Variants in UTRN observed in about 807,000 individuals in gnomAD.
UTRN encodes dystrophin-related protein 1.
A neutral mutation model predicts 463.9 loss-of-function variants in UTRN; 283 were observed. The ratio of observed to expected loss-of-function variants is 0.61; its 90% CI spans 0.55 to 0.67. The LOEUF (loss-of-function observed/expected upper bound fraction) is 0.67. Ranked by LOEUF, UTRN falls within the 30% of genes least tolerant of loss-of-function variation. The probability of loss-of-function intolerance (pLI) is 0.00; values close to 1 mark genes in which losing one functional copy is unlikely to be tolerated. For missense variants in UTRN, 3,922 were observed against 4,084.3 expected, an observed-to-expected ratio of 0.96 and a Z score of 1.08; for synonymous variants, 1,442 against 1,431.5, an observed-to-expected ratio of 1.01 and a Z score of -0.17.
At chr6:144,497,260 A>T (rs1319198295) in intron 33 of UTRN, among the ~76,000 whole-genome samples, 1 of 152,104 alleles carries the variant, frequency 6.6e-6, no homozygotes, top group Non-Finnish European at 1.5e-5. Context: ...GAGTGAATTG[A>T]TTTCAGACAT....
At chr6:144,315,886 G>C (rs890471569) in intron 2 of UTRN, among the ~76,000 whole-genome samples, 1 of 152,220 alleles carries the variant, frequency 6.6e-6, no homozygotes, top group Admixed American at 6.5e-5. Context: ...TGCCAGATGA[G>C]AACGTCATGG....
At chr6:144,817,190 G>C (rs1779163082) in intron 65 of UTRN, among the ~76,000 whole-genome samples, 1 of 152,166 alleles carries the variant, frequency 6.6e-6, no homozygotes, top group Non-Finnish European at 1.5e-5. Flanking sequence ...CAGAGGCCAT[G>C]ATGGTTAAAT....
At chr6:144,466,052 A>T (rs1234676042) in intron 23 of UTRN, among the ~76,000 whole-genome samples, 1 of 152,256 alleles carries the variant, frequency 6.6e-6, no homozygotes, top group Non-Finnish European at 1.5e-5. Flanking sequence ...AGCTAATATT[A>T]ACAGTGGATC....
intron 51 of UTRN, among the ~76,000 whole-genome samples, chr6:144,637,127 C>T (rs1330068721): frequency 6.6e-6 from 1 of 152,160 alleles, no homozygotes; most frequent in Admixed American, 6.5e-5. Flanking sequence ...TGCCACCACA[C>T]CCGGCTAGTT....
At chr6:144,584,383 T>C (rs1802260947) in intron 51 of UTRN, among the ~76,000 whole-genome samples, 1 of 152,172 alleles carries the variant, frequency 6.6e-6, no homozygotes, top group South Asian at 2.1e-4. Context: ...AGAGTTATAA[T>C]AGCAATTTTT....
intron 2 of UTRN, among the ~76,000 whole-genome samples, chr6:144,380,674 G>T (rs1255348283): frequency 1.3e-5 from 2 of 152,106 alleles, no homozygotes; most frequent in African/African-American, 4.8e-5. Flanking sequence ...TATTAGCTGG[G>T]CTTGGTGGCT....
At chr6:144,318,614 C>T (rs1237099694) in intron 2 of UTRN, among the ~76,000 whole-genome samples, 1 of 152,196 alleles carries the variant, frequency 6.6e-6, no homozygotes, top group African/African-American at 2.4e-5. Flanking sequence ...TAGGCACTTG[C>T]CACCACGCCT....
At chr6:144,437,471 C>G (rs969460305) in intron 10 of UTRN, 94 bp from the exon 11 acceptor site, 1 of 1,271,192 alleles carries the variant, frequency 7.9e-7, no homozygotes. Flanking sequence ...TTCTGCATCA[C>G]TGACATTTAG....
intron 2 of UTRN, among the ~76,000 whole-genome samples, chr6:144,377,027 G>A (rs1287569434): frequency 6.6e-6 from 1 of 151,988 alleles, no homozygotes; most frequent in Non-Finnish European, 1.5e-5. Context: ...TCTATACCAA[G>A]TCACTTCTTT....
intron 53 of UTRN, among the ~76,000 whole-genome samples, chr6:144,724,669 A>G (rs1425663133): frequency 6.6e-6 from 1 of 151,994 alleles, no homozygotes; most frequent in African/African-American, 2.4e-5. Context: ...GGGACATTGC[A>G]TGGTAATGGA....
Position 144,819,877 on chromosome 6 carries a change from G to GCCTCCTCCTCCT in UTRN, c.9358-979_9358-968dup, listed in dbSNP as rs535515378. 2.1e-3 allele frequency among the ~76,000 whole-genome samples: 264 copies of GCCTCCTCCTCCT among 127,232 alleles called. 3 individuals carry two copies. Among genetic ancestry groups the GCCTCCTCCTCCT allele is most frequent in the East Asian group, 0.01 (33 of 3,274 alleles). The allele number at this position is 127,232 out of a possible 152,430, so 83.5% of individuals were successfully genotyped here. On this transcript the variant is annotated intron_variant, in intron 65 of 74. Coordinates refer to ENST00000367545, the MANE Select transcript of UTRN (RefSeq NM_007124.3). ...CCTTCTCCCCTTCTCCTCCTCCGCC[G>GCCTCCTCCTCCT]CCTCCTCCTCCTCCTCCTCCTCCTC...
chr6:144,702,130 C>T (rs370180688), intron 53 of UTRN, among the ~76,000 whole-genome samples: 3 of 152,182 alleles, frequency 2.0e-5, no homozygotes, highest in South Asian at 4.1e-4. Flanking sequence ...GGAATACAAG[C>T]TGCTTATGGC....
chr6:144,609,725 A>C (rs1204405687), intron 51 of UTRN, among the ~76,000 whole-genome samples: 1 of 152,256 alleles, frequency 6.6e-6, no homozygotes, highest in Non-Finnish European at 1.5e-5. Context: ...AATCATATCA[A>C]GTGTTCTTTC....
intron 2 of UTRN, among the ~76,000 whole-genome samples, chr6:144,318,319 G>A (rs529187365): frequency 6.6e-6 from 1 of 151,928 alleles, no homozygotes; most frequent in Non-Finnish European, 1.5e-5. Context: ...TTCTGAGATG[G>A]AGTCTCATTC....
chr6:144,423,798 T>C (rs1414399318), intron 5 of UTRN, among the ~76,000 whole-genome samples, 172 bp downstream of exon 5: 1 of 152,264 alleles, frequency 6.6e-6, no homozygotes, highest in Non-Finnish European at 1.5e-5. Context: ...CTTTTTCTGA[T>C]GGCTGTATTG....
chr6:144,418,380 ATTTTTTT>A (rs369278118), intron 3 of UTRN, among the ~76,000 whole-genome samples: 1,471 of 137,250 alleles, frequency 0.011, 10 homozygotes, highest in Middle Eastern at 0.018. Context: ...CGCCCGGCTA[ATTTTTTT>A]TTTTTTTTTG....
chr6:144,452,131 A>G lies in UTRN; in HGVS notation c.2196+638A>G, dbSNP rs191832683. Reference sequence around the variant, plus strand: ...AAGAGGTAGCAAAAAATCAACTTGTAAAAAGTAGATAATTGCCTTTTTCTC... The same window carrying G: ...AAGAGGTAGCAAAAAATCAACTTGTGAAAAGTAGATAATTGCCTTTTTCTC... On this transcript the variant is annotated intron_variant, in intron 18 of 74. Transcript: ENST00000367545. Among the ~76,000 whole-genome samples, 28 of 152,322 alleles carry G rather than the reference A, an allele frequency of 1.8e-4. No homozygotes were observed. The East Asian group carries it at 5.2e-3, about 28-fold the overall frequency.
chr6:144,521,099 A>G (rs370167156), intron 39 of UTRN, among the ~76,000 whole-genome samples: 1 of 152,178 alleles, frequency 6.6e-6, no homozygotes, highest in African/African-American at 2.4e-5. Context: ...CAGCCTGGCC[A>G]ACATGGTGAA....
chr6:144,384,896 C>CTT (rs1319685500), intron 2 of UTRN, among the ~76,000 whole-genome samples: 1 of 152,160 alleles, frequency 6.6e-6, no homozygotes, highest in Non-Finnish European at 1.5e-5. Flanking sequence ...TGAGATTCTG[C>CTT]TTTCAGTTCT....
Sources: gnomAD v4.1 joint callset for allele counts (sites outside exome capture counted in the v4.1 genomes callset) on GRCh38, gnomAD v4.1.1 for gene constraint, MANE v1.5 for transcripts, NCBI Gene and HGNC (gene_info 2026-07-23, HGNC 2026-07-21) for gene names.